The following CSMD2 variants were observed in gnomAD, a reference collection of about 807,000 sequenced individuals.
CSMD2 encodes the protein CUB and Sushi multiple domains 2.
Under a neutral mutation model 398.5 loss-of-function variants are expected in CSMD2, and 130 were observed. The ratio of observed to expected loss-of-function variants is 0.33; its 90% CI spans 0.28 to 0.38. CSMD2 has a LOEUF of 0.38. Ranked by LOEUF, CSMD2 falls within the 10% of genes least tolerant of loss-of-function variation. The probability of loss-of-function intolerance (pLI) is 1.00; values close to 1 mark genes in which losing one functional copy is unlikely to be tolerated. For missense variants in CSMD2, 3,829 were observed against 4,764.9 expected, an observed-to-expected ratio of 0.80 and a Z score of 5.78; for synonymous variants, 1,828 against 1,908.5, an observed-to-expected ratio of 0.96 and a Z score of 1.10.
intron 5 of CSMD2, among the ~76,000 whole-genome samples, chr1:33,850,288 C>T (rs112346588): frequency 3.9e-5 from 6 of 152,142 alleles, no homozygotes; most frequent in African/African-American, 9.7e-5. Flanking sequence ...CAGGAATACA[C>T]GTTGTTCTTT....
chr1:33,572,069 T>C (rs1493990), intron 50 of CSMD2, among the ~76,000 whole-genome samples: 95,186 of 152,112 alleles, frequency 0.63, 29,977 homozygotes, highest in Admixed American at 0.74. Flanking sequence ...TAAAAGATTG[T>C]GGAGTAATTC....
chr1:34,154,252 G>T (rs1293430286), intron 1 of CSMD2, among the ~76,000 whole-genome samples: 2 of 152,198 alleles, frequency 1.3e-5, no homozygotes, highest in Non-Finnish European at 2.9e-5. Context: ...TACTCATGAG[G>T]ACGTGGGAAG....
At chr1:34,097,284 C>T (rs1490268592) in intron 1 of CSMD2, among the ~76,000 whole-genome samples, 1 of 149,918 alleles carries the variant, frequency 6.7e-6, no homozygotes, top group Non-Finnish European at 1.5e-5. Context: ...AAGACTTAAA[C>T]GTTAGACCTA....
chr1:33,578,781 C>T (rs1426548890), intron 48 of CSMD2, among the ~76,000 whole-genome samples: 2 of 152,128 alleles, frequency 1.3e-5, no homozygotes, highest in African/African-American at 2.4e-5. Flanking sequence ...GCAGGATGCG[C>T]GTGTGGGGCC....
At position 34,032,697 on chromosome 1, in the gene CSMD2, G is replaced by A. The variant is rs1489608943; in HGVS notation, c.414C>T (p.Gly138=). ...QPENLRTRLT[G]FQLPATIVSA... is the part of the protein sequence containing the mutation. ...TAACAATGGTGGCTGGCAGCTGAAAGCCTGTGAGCCTGAAAGACAAAGAAT... is the reference window on the plus strand; with the variant it reads ...TAACAATGGTGGCTGGCAGCTGAAAACCTGTGAGCCTGAAAGACAAAGAAT... The change falls in exon 3 of 71, where the codon GGC becomes GGT. Residue 138 remains glycine, a synonymous_variant. Coordinates refer to ENST00000373381, the MANE Select transcript of CSMD2 (RefSeq NM_001281956.2). 6.3e-7 allele frequency: 1 copy of A among 1,585,148 alleles called. No individual in the cohort carries two copies.
chr1:34,060,157 C>A (rs1025755132), intron 2 of CSMD2, among the ~76,000 whole-genome samples: 1 of 152,092 alleles, frequency 6.6e-6, no homozygotes, highest in African/African-American at 2.4e-5. Context: ...GGAGGACCAG[C>A]CAAGAACAGT....
At chr1:33,807,238 T>C (rs1479562455) in intron 10 of CSMD2, among the ~76,000 whole-genome samples, 1 of 152,156 alleles carries the variant, frequency 6.6e-6, no homozygotes, top group African/African-American at 2.4e-5. Flanking sequence ...ATACTAGCGT[T>C]CTTTCAAGAA....
At chr1:33,758,746 C>T (rs1449962225) in intron 13 of CSMD2, among the ~76,000 whole-genome samples, 2 of 152,182 alleles carry the variant, frequency 1.3e-5, no homozygotes, top group Non-Finnish European at 2.9e-5. Flanking sequence ...CTTAGTCTTG[C>T]AATTTACTTT....
chr1:33,586,305 G>T (rs1639077439), intron 46 of CSMD2, among the ~76,000 whole-genome samples, 199 bp downstream of exon 46: 1 of 152,172 alleles, frequency 6.6e-6, no homozygotes, highest in Admixed American at 6.5e-5. Flanking sequence ...TATCAGAACA[G>T]GGCAGAGAAC....
At position 33,546,222 on chromosome 1, in the gene CSMD2, A is replaced by G. The variant is rs1448512304; in HGVS notation, c.8918-3T>C. Reference sequence around the variant, plus strand: ...ACCGCAAACTCCCACGCTGGTTCCTATGGACCAGAACCACACAAATCCCAT... The same window carrying G: ...ACCGCAAACTCCCACGCTGGTTCCTGTGGACCAGAACCACACAAATCCCAT... On this transcript the variant is annotated splice_polypyrimidine_tract_variant and splice_region_variant and intron_variant, in intron 56 of 70. Coordinates refer to ENST00000373381, the MANE Select transcript of CSMD2 (RefSeq NM_001281956.2). The G allele has an allele frequency of 2.5e-6, 4 of 1,611,952 alleles. No individual in the cohort carries two copies. Among genetic ancestry groups the G allele is most frequent in the Non-Finnish European group, 3.4e-6 (4 of 1,178,430 alleles).
chr1:33,726,806 A>G, intron 15 of CSMD2, 121 bp from the exon 16 acceptor site: 3 of 1,056,726 alleles, frequency 2.8e-6, no homozygotes, highest in South Asian at 1.8e-5. Context: ...GGAAAATTAC[A>G]TAAACTATAA....
intron 1 of CSMD2, among the ~76,000 whole-genome samples, chr1:34,120,302 G>C (rs140870461): frequency 6.6e-6 from 1 of 152,320 alleles, no homozygotes; most frequent in East Asian, 1.9e-4. Context: ...TGGGGGAAAG[G>C]AGAGTTGTTG....
At chr1:33,921,485 T>C (rs574715955) in intron 4 of CSMD2, among the ~76,000 whole-genome samples, 11 of 152,206 alleles carry the variant, frequency 7.2e-5, no homozygotes, top group Non-Finnish European at 1.2e-4. Context: ...GTCCTGTCAC[T>C]GGCCCTCACT....
chr1:33,705,255 C>T (rs550058037), intron 22 of CSMD2, among the ~76,000 whole-genome samples: 14 of 152,220 alleles, frequency 9.2e-5, no homozygotes, highest in African/African-American at 3.4e-4. Context: ...GTGGTGAGAA[C>T]ATTTGAAATT....
chr1:33,834,395 T>A (rs1253070949), intron 6 of CSMD2, among the ~76,000 whole-genome samples: 83 of 88,242 alleles, frequency 9.4e-4, no homozygotes, highest in African/African-American at 4.6e-3. Context: ...AAACAAGCAA[T>A]GGGGAAAGGA....
chr1:33,721,293 G>T (rs1248721128), intron 19 of CSMD2, among the ~76,000 whole-genome samples: 1 of 152,162 alleles, frequency 6.6e-6, no homozygotes, highest in African/African-American at 2.4e-5. Flanking sequence ...TACCACTAAA[G>T]CATAAACTTC....
intron 43 of CSMD2, 124 bp downstream of exon 43, chr1:33,602,245 G>C: frequency 2.0e-6 from 2 of 1,005,126 alleles, no homozygotes; most frequent in Non-Finnish European, 3.0e-6. Context: ...CCAGGAGGCT[G>C]ACAGCCTTTA....
intron 1 of CSMD2, among the ~76,000 whole-genome samples, chr1:34,162,153 CAA>C (rs72111662): frequency 0.33 from 30,443 of 91,106 alleles, 3,836 homozygotes; most frequent in Admixed American, 0.47. Context: ...GCCTGGACAA[CAA>C]AAGAGTGAAA....
At chr1:33,796,424 C>A (rs182005370) in intron 10 of CSMD2, among the ~76,000 whole-genome samples, 1 of 152,232 alleles carries the variant, frequency 6.6e-6, no homozygotes, top group East Asian at 1.9e-4. Context: ...TAATTTCTTA[C>A]GCCTGTCTTT....
Sources: allele counts gnomAD v4.1 joint callset (sites outside exome capture counted in the v4.1 genomes callset), GRCh38; gene constraint gnomAD v4.1.1; transcripts MANE v1.5; gene names NCBI Gene and HGNC (gene_info 2026-07-23, HGNC 2026-07-21).